Variants in HLCS observed in about 807,000 individuals in gnomAD.
HLCS encodes biotin--protein ligase.
In HLCS, 53 loss-of-function variants were observed where a neutral mutation model predicts 75.0. That is an observed-to-expected ratio of 0.71 (90% CI 0.57 to 0.89). The LOEUF (loss-of-function observed/expected upper bound fraction) is 0.89. Among genes scored for constraint, HLCS ranks in the 40% least tolerant of loss-of-function variants. HLCS has a pLI of 0.00. For missense variants in HLCS, 966 were observed against 1,074.0 expected, an observed-to-expected ratio of 0.90 and a Z score of 1.41; for synonymous variants, 431 against 428.6, an observed-to-expected ratio of 1.01 and a Z score of -0.07.
At chr21:36,858,681 A>G (rs2063283104) in intron 6 of HLCS, among the ~76,000 whole-genome samples, 1 of 152,212 alleles carries the variant, frequency 6.6e-6, no homozygotes, top group South Asian at 2.1e-4. Flanking sequence ...GGGTGCCTGC[A>G]GTGAGGTGGT....
chr21:36,822,304 C>G (rs1380659046), intron 6 of HLCS, among the ~76,000 whole-genome samples: 1 of 152,140 alleles, frequency 6.6e-6, no homozygotes, highest in Non-Finnish European at 1.5e-5. Flanking sequence ...CCTGTAATCC[C>G]AGCTACTTGG....
intron 6 of HLCS, among the ~76,000 whole-genome samples, chr21:36,816,540 T>A (rs904151976): frequency 6.6e-6 from 1 of 152,214 alleles, no homozygotes; most frequent in African/African-American, 2.4e-5. Context: ...CTACTTTGCA[T>A]GAAGCTCTGA....
chr21:36,792,364 G>A (rs2145883438), intron 6 of HLCS, among the ~76,000 whole-genome samples: 2 of 150,910 alleles, frequency 1.3e-5, no homozygotes, highest in South Asian at 4.2e-4. Flanking sequence ...GTAGCAGGTG[G>A]AACCATGTGA....
At chr21:36,788,844 C>T (rs933461186) in intron 6 of HLCS, among the ~76,000 whole-genome samples, 1 of 152,030 alleles carries the variant, frequency 6.6e-6, no homozygotes, top group African/African-American at 2.4e-5. Flanking sequence ...AGTTGGATTT[C>T]GTTGTTTTTG....
intron 6 of HLCS, among the ~76,000 whole-genome samples, chr21:36,860,425 A>C (rs2063346494): frequency 6.6e-6 from 1 of 152,188 alleles, no homozygotes. Flanking sequence ...AAAAGTGGCC[A>C]GGACTGGTCA....
At chr21:36,970,854 C>T (rs1355583706), upstream of HLCS, among the ~76,000 whole-genome samples, 2 of 151,974 alleles carry the variant, frequency 1.3e-5, no homozygotes, top group East Asian at 2.0e-4. Flanking sequence ...GTTAGCCAGG[C>T]GTGGTGGCGG....
At chr21:36,771,610 A>G (rs2060208150) in intron 6 of HLCS, among the ~76,000 whole-genome samples, 1 of 152,186 alleles carries the variant, frequency 6.6e-6, no homozygotes, top group South Asian at 2.1e-4. Flanking sequence ...GTCATCAGTA[A>G]TGTGGGCAGA....
At chr21:36,860,544 C>T (rs547997210) in intron 6 of HLCS, among the ~76,000 whole-genome samples, 4 of 152,292 alleles carry the variant, frequency 2.6e-5, no homozygotes, top group African/African-American at 4.8e-5. Context: ...TTGAAATGCA[C>T]TGTAATTTAA....
intron 6 of HLCS, among the ~76,000 whole-genome samples, chr21:36,876,949 C>T (rs1053845284): frequency 2.0e-5 from 3 of 152,198 alleles, no homozygotes; most frequent in Non-Finnish European, 4.4e-5. Context: ...AAATACACAT[C>T]CATGAGTTGT....
At chr21:36,927,513 C>T (rs1483856171) in intron 5 of HLCS, among the ~76,000 whole-genome samples, 1 of 152,230 alleles carries the variant, frequency 6.6e-6, no homozygotes, top group Non-Finnish European at 1.5e-5. Flanking sequence ...ACTGTGTAAA[C>T]ACAGCTGGTA....
intron 8 of HLCS, among the ~76,000 whole-genome samples, chr21:36,762,969 T>C (rs2089904104): frequency 6.6e-6 from 1 of 152,260 alleles, no homozygotes; most frequent in Non-Finnish European, 1.5e-5. Flanking sequence ...GTGTTTGTTT[T>C]AGTTATTTTC....
intron 6 of HLCS, among the ~76,000 whole-genome samples, chr21:36,862,177 T>C (rs1481676615): frequency 6.6e-6 from 1 of 152,250 alleles, no homozygotes; most frequent in African/African-American, 2.4e-5. Context: ...AGACATTTTA[T>C]TTATCCATTC....
intron 2 of HLCS, among the ~76,000 whole-genome samples, chr21:36,939,747 G>A (rs1367004145): frequency 6.6e-6 from 1 of 152,176 alleles, no homozygotes; most frequent in Non-Finnish European, 1.5e-5. Flanking sequence ...CCATGGAGAA[G>A]ACAGCCTGTG....
chr21:36,778,291 A>AT (rs1222353550), intron 6 of HLCS, among the ~76,000 whole-genome samples: 1 of 143,442 alleles, frequency 7.0e-6, no homozygotes, highest in Non-Finnish European at 1.5e-5. Flanking sequence ...TATTATTATT[A>AT]TTTTTTGAGA....
rs771741236 is a variant in HLCS, at chr21:36,936,896, C to A, written c.990G>T (p.Arg330=). 1.2e-6 allele frequency: 2 copies of A among 1,614,070 alleles called. No homozygotes were observed. The highest frequency in any genetic ancestry group is 1.7e-6 in the Non-Finnish European group (2 of 1,180,052). ...TGTCCACACAGTCGGCCAGCACAGA[C>A]CGGACCTCGTGGAACCGGCCGAGGG... The part of the protein sequence containing the change: ...QEALGRFHEV[R]SVLADCVDID... Residue 330 remains arginine (R), a synonymous_variant, in exon 4 of 11, where the codon CGG becomes CGT. Coordinates refer to ENST00000674895, the MANE Select transcript of HLCS (RefSeq NM_001352514.2).
At chr21:36,881,077 C>A (rs931881860) in intron 6 of HLCS, among the ~76,000 whole-genome samples, 25 of 152,104 alleles carry the variant, frequency 1.6e-4, no homozygotes, top group African/African-American at 4.8e-4. Context: ...TTCAAGCAAT[C>A]TCCTGCCTCA....
chr21:36,846,565 A>G (rs1265112228), intron 6 of HLCS, among the ~76,000 whole-genome samples: 1 of 152,214 alleles, frequency 6.6e-6, no homozygotes, highest in African/African-American at 2.4e-5. Flanking sequence ...CGAAACAAAG[A>G]GTGGATAATG....
At chr21:36,893,074 T>C (rs919407451) in intron 6 of HLCS, among the ~76,000 whole-genome samples, 3 of 151,820 alleles carry the variant, frequency 2.0e-5, no homozygotes, top group Non-Finnish European at 2.9e-5. Context: ...AAAAAAAGTA[T>C]CCCACTTTTT....
chr21:36,842,172 A>G lies in HLCS; in HGVS notation c.1892+54688T>C, dbSNP rs2062637823. 6.6e-6 allele frequency among the ~76,000 whole-genome samples: 1 copy of G among 152,166 alleles called. No individual in the cohort carries two copies. The highest frequency in any genetic ancestry group is 1.5e-5 in the Non-Finnish European group (1 of 68,034). ...AGAATGAACAAACTATAGCAACAAC[A>G]CAGATGACAAGTCAGAATGCAAGAG... On this transcript the variant is annotated intron_variant, in intron 6 of 10. Coordinates refer to ENST00000674895, the MANE Select transcript of HLCS (RefSeq NM_001352514.2). The surrounding 1 kb of genome is among the most constrained non-coding windows in gnomAD (Gnocchi z 4.2).
Sources: allele counts gnomAD v4.1 joint callset (sites outside exome capture counted in the v4.1 genomes callset), GRCh38; gene constraint gnomAD v4.1.1; non-coding constraint Gnocchi (gnomAD v3.1); transcripts MANE v1.5; gene names NCBI Gene and HGNC (gene_info 2026-07-23, HGNC 2026-07-21).